Variants in SYTL4 observed in about 807,000 individuals in gnomAD.
SYTL4 encodes the protein synaptotagmin-like protein 4.
A neutral mutation model predicts 52.7 loss-of-function variants in SYTL4; 16 were observed. That is an observed-to-expected ratio of 0.30 (90% CI 0.21 to 0.46). SYTL4 has a LOEUF of 0.46. SYTL4 is among the 20% of genes least tolerant of loss of function. SYTL4 has a pLI of 1.00. For missense variants in SYTL4, 423 were observed against 519.9 expected (o/e 0.81, Z 1.81); for synonymous variants, 160 against 186.6 (o/e 0.86, Z 1.16).
At chrX:100,718,006 T>A (rs2084263015) in intron 2 of SYTL4, among the ~76,000 whole-genome samples, 1 of 111,933 alleles carries the variant, frequency 8.9e-6, no homozygotes, top group South Asian at 3.8e-4. Context: ...TTTAACCTCC[T>A]TGAGTCTGTT....
intron 2 of SYTL4, among the ~76,000 whole-genome samples, chrX:100,714,088 A>G (rs878985711): frequency 9.0e-6 from 1 of 111,195 alleles, no homozygotes; most frequent in Admixed American, 9.5e-5. Context: ...AAATTTGTCA[A>G]ATTGTATACT....
chrX:100,710,417 T>C (rs750234631), intron 2 of SYTL4, among the ~76,000 whole-genome samples: 2 of 112,142 alleles, frequency 1.8e-5, no homozygotes, highest in Non-Finnish European at 3.8e-5. Flanking sequence ...TGAACATGGG[T>C]ATTCAGAACT....
chrX:100,697,551 C>G (rs1201185609), intron 8 of SYTL4, among the ~76,000 whole-genome samples: 1 of 111,532 alleles, frequency 9.0e-6, no homozygotes, highest in African/African-American at 3.3e-5. Context: ...AGAACCGAGT[C>G]TGGAGAAGAA....
intron 2 of SYTL4, among the ~76,000 whole-genome samples, chrX:100,719,718 G>A (rs373548644): frequency 2.7e-5 from 3 of 111,326 alleles, no homozygotes; most frequent in East Asian, 2.8e-4. Context: ...GAAGGCAGTG[G>A]TAGTAACTAA....
intron 2 of SYTL4, among the ~76,000 whole-genome samples, chrX:100,727,229 G>T (rs901160226): frequency 8.9e-6 from 1 of 112,310 alleles, no homozygotes; most frequent in Non-Finnish European, 1.9e-5. Context: ...TAGGCAATGG[G>T]TAAATATAAC....
rs772994110 is a variant in SYTL4 at position 100,678,611 on chromosome X, C to T, written c.1659-12G>A. On this transcript the variant is annotated splice_polypyrimidine_tract_variant and intron_variant, in intron 18 of 19. Transcript: ENST00000372989. Reference sequence around the variant, plus strand: ...TGGGAAGGAGGTATCTGGCAGAGGGCGGGGAGTAATCAACAGCCTACTCAA... The same window carrying T: ...TGGGAAGGAGGTATCTGGCAGAGGGTGGGGAGTAATCAACAGCCTACTCAA... 14 of 1,188,458 alleles carry T rather than the reference C, an allele frequency of 1.2e-5. No individual in the cohort carries two copies. The highest frequency in any genetic ancestry group is 2.3e-4 in the Middle Eastern group (1 of 4,282).
chrX:100,731,786 G>C (rs1312600017), intron 1 of SYTL4, among the ~76,000 whole-genome samples: 1 of 112,043 alleles, frequency 8.9e-6, no homozygotes, highest in African/African-American at 3.2e-5. Flanking sequence ...CCAAGCAGAC[G>C]GGAGTCCAAG....
chrX:100,678,746 A>C (rs1330726735), intron 18 of SYTL4, 147 bp from the exon 19 acceptor site: 6 of 478,031 alleles, frequency 1.3e-5, no homozygotes, highest in Non-Finnish European at 1.8e-5. Context: ...AATCTGCTGA[A>C]GCAGAGTTCC....
Position 100,688,337 on chromosome X carries a change from C to G in SYTL4, c.1005+14G>C. 7 of 1,197,488 alleles carry G rather than the reference C, an allele frequency of 5.8e-6. No homozygotes were observed. Among genetic ancestry groups the G allele is most frequent in the Non-Finnish European group, 7.9e-6 (7 of 882,774 alleles). On this transcript the variant is annotated intron_variant, in intron 13 of 19. Coordinates refer to ENST00000372989, the MANE Select transcript of SYTL4 (RefSeq NM_001370165.1). ...CCCCAACATGCCTGTAACCACAGAT[C>G]TAATAGAACTTACCATGGAGGAGCC...
intron 2 of SYTL4, among the ~76,000 whole-genome samples, chrX:100,725,939 G>A (rs1264484489): frequency 9.0e-6 from 1 of 111,275 alleles, no homozygotes; most frequent in Non-Finnish European, 1.9e-5. Context: ...AAGAAGCAGT[G>A]TAGATGCCAT....
At chrX:100,730,280 G>C (rs2147856309) in intron 2 of SYTL4, among the ~76,000 whole-genome samples, 1 of 111,603 alleles carries the variant, frequency 9.0e-6, no homozygotes, top group Admixed American at 9.5e-5. Flanking sequence ...AGTAAGGTAA[G>C]TAGTCCATAG....
intron 17 of SYTL4, 124 bp downstream of exon 17, chrX:100,681,103 C>G: frequency 3.7e-6 from 2 of 539,876 alleles, no homozygotes; most frequent in South Asian, 5.4e-5. Context: ...AGGAATCTCC[C>G]TAGCAGATCC....
chrX:100,681,910 T>C (rs2083381345), intron 16 of SYTL4, among the ~76,000 whole-genome samples: 1 of 112,597 alleles, frequency 8.9e-6, no homozygotes, highest in South Asian at 3.7e-4. Flanking sequence ...AATATATTCA[T>C]AGTTGTACAT....
intron 2 of SYTL4, among the ~76,000 whole-genome samples, chrX:100,714,501 T>A (rs952325818): frequency 9.0e-6 from 1 of 111,586 alleles, no homozygotes; most frequent in Non-Finnish European, 1.9e-5. Context: ...CCTCGTGATC[T>A]GCCCACCTCA....
chrX:100,729,128 T>G (rs1307015795), intron 2 of SYTL4, among the ~76,000 whole-genome samples: 1 of 110,608 alleles, frequency 9.0e-6, no homozygotes, highest in Non-Finnish European at 1.9e-5. Context: ...TCAGCAGAAG[T>G]AAAGCTGAGT....
rs531205711 is a variant in SYTL4 at position 100,677,693 on chromosome X, G to A, written c.1867+698C>T. On this transcript the variant is annotated intron_variant, in intron 19 of 19. Transcript: ENST00000372989. ...AATGCAGTGTCAATAGAAGTTCAGC[G>A]TTTCAAGCGAAAAGGAGTGATCTAG... is the stretch of plus-strand genomic sequence containing the variant. Among the ~76,000 whole-genome samples, 54 of 111,535 alleles carry A rather than the reference G, an allele frequency of 4.8e-4. 1 individual carries two copies. The highest frequency in any genetic ancestry group is 4.6e-3 in the Middle Eastern group (1 of 219).
intron 8 of SYTL4, among the ~76,000 whole-genome samples, chrX:100,696,829 T>G (rs1380057093): frequency 9.0e-6 from 1 of 110,935 alleles, no homozygotes; most frequent in African/African-American, 3.3e-5. Context: ...ATGCTGTTTT[T>G]CAACAATCAT....
At chrX:100,678,316 G>C (rs1259601866) in intron 19 of SYTL4, 75 bp downstream of exon 19, 4 of 739,817 alleles carry the variant, frequency 5.4e-6, no homozygotes, top group Non-Finnish European at 8.2e-6. Flanking sequence ...CTTTGTGTTG[G>C]GGGGCGGGAA....
chrX:100,714,433 G>C (rs948104340), intron 2 of SYTL4, among the ~76,000 whole-genome samples: 1 of 110,165 alleles, frequency 9.1e-6, no homozygotes, highest in Non-Finnish European at 1.9e-5. Context: ...CTAATTTTTT[G>C]TATTTCTAGT....
Sources: gnomAD v4.1 joint callset for allele counts (sites outside exome capture counted in the v4.1 genomes callset) on GRCh38, gnomAD v4.1.1 for gene constraint, MANE v1.5 for transcripts, NCBI Gene and HGNC (gene_info 2026-07-23, HGNC 2026-07-21) for gene names.